Variants in LTBP1 observed in about 807,000 individuals in gnomAD.
The protein encoded by LTBP1 is latent transforming growth factor beta binding protein 1, also known as latent-transforming growth factor beta-binding protein 1.
A neutral mutation model predicts 207.6 loss-of-function variants in LTBP1; 129 were observed. That is an observed-to-expected ratio of 0.62 (90% CI 0.54 to 0.72). LTBP1 has a LOEUF of 0.72. Among genes scored for constraint, LTBP1 ranks in the 30% least tolerant of loss-of-function variants. The pLI, the probability that LTBP1 is intolerant of heterozygous loss-of-function variation, is 0.00. For synonymous variants in LTBP1, 963 were observed against 833.7 expected, an observed-to-expected ratio of 1.16 and a Z score of -2.67; for missense variants, 2,281 against 2,217.2, an observed-to-expected ratio of 1.03 and a Z score of -0.58.
rs775822501 is a variant in LTBP1 at position 33,388,530 on chromosome 2, G to A, written c.4712-654G>A. 6.3e-4 allele frequency among the ~76,000 whole-genome samples: 96 copies of A among 152,182 alleles called. 2 individuals carry two copies. Among genetic ancestry groups the A allele is most frequent in the Non-Finnish European group, 1.0e-3 (68 of 68,042 alleles). On this transcript the variant is annotated intron_variant, in intron 31 of 33. Transcript: ENST00000404816. ...GGTGTGCGTCTTTTAGTGCATCGAT[G>A]TGTATTAAGTGCTTAGAACAGTATC...
At chr2:33,392,714 G>A (rs1308151274) in intron 32 of LTBP1, among the ~76,000 whole-genome samples, 1 of 152,120 alleles carries the variant, frequency 6.6e-6, no homozygotes, top group Non-Finnish European at 1.5e-5. Context: ...TGTGTGGGGA[G>A]TTTCAAGTTT....
chr2:33,238,423 T>C (rs1212646484), intron 9 of LTBP1, among the ~76,000 whole-genome samples: 1 of 152,244 alleles, frequency 6.6e-6, no homozygotes, highest in Non-Finnish European at 1.5e-5. Context: ...AGGGCACTTG[T>C]GCTGTTCGTA....
intron 3 of LTBP1, among the ~76,000 whole-genome samples, chr2:33,110,007 T>C (rs1265450567): frequency 6.6e-6 from 1 of 152,264 alleles, no homozygotes; most frequent in Non-Finnish European, 1.5e-5. Context: ...ATTCCCTTCC[T>C]GTACTTTCTT....
intron 2 of LTBP1, among the ~76,000 whole-genome samples, chr2:33,003,070 G>C (rs1686274015): frequency 6.6e-6 from 1 of 152,214 alleles, no homozygotes; most frequent in African/African-American, 2.4e-5. Context: ...CAGGCTTCCT[G>C]AGTTCCAGAC....
intron 10 of LTBP1, among the ~76,000 whole-genome samples, chr2:33,244,963 C>G (rs977955522): frequency 2.6e-5 from 4 of 152,210 alleles, no homozygotes; most frequent in African/African-American, 9.6e-5. Flanking sequence ...ATTGCAACCT[C>G]TGCCTCCCGG....
At chr2:33,249,323 TCACACACA>T (rs61249844) in intron 10 of LTBP1, among the ~76,000 whole-genome samples, 3,887 of 141,390 alleles carry the variant, frequency 0.027, 97 homozygotes, top group African/African-American at 0.069. Context: ...GTCTGATTTT[TCACACACA>T]CACACACACA....
At chr2:32,956,663 A>C (rs1678119410) in intron 2 of LTBP1, among the ~76,000 whole-genome samples, 1 of 152,170 alleles carries the variant, frequency 6.6e-6, no homozygotes, top group African/African-American at 2.4e-5. Context: ...TGGATACTTT[A>C]ATCTCCTCCC....
intron 5 of LTBP1, among the ~76,000 whole-genome samples, chr2:33,176,898 A>G (rs1398445832): frequency 2.6e-5 from 4 of 152,080 alleles, no homozygotes; most frequent in African/African-American, 4.8e-5. Context: ...ATAATTACGA[A>G]GTTGATGAGG....
At chr2:33,188,476 A>T in intron 6 of LTBP1, 101 bp from the exon 7 acceptor site, 1 of 884,406 alleles carries the variant, frequency 1.1e-6, no homozygotes, top group Non-Finnish European at 1.7e-6. Flanking sequence ...AAAATGCTAC[A>T]CATGCATGCA....
chr2:33,368,179 C>A (rs2095019640), intron 31 of LTBP1, among the ~76,000 whole-genome samples: 1 of 151,932 alleles, frequency 6.6e-6, no homozygotes, highest in Middle Eastern at 3.2e-3. Flanking sequence ...TGCACTCCAG[C>A]CTGGGCGACA....
At chr2:33,268,165 C>T (rs189833017) in intron 15 of LTBP1, among the ~76,000 whole-genome samples, 1 of 152,322 alleles carries the variant, frequency 6.6e-6, no homozygotes, top group East Asian at 1.9e-4. Context: ...TGCATTAGCA[C>T]AAGAAGACTG....
chr2:33,366,924 A>AT (rs1197439656), intron 31 of LTBP1, among the ~76,000 whole-genome samples: 1 of 152,026 alleles, frequency 6.6e-6, no homozygotes, highest in African/African-American at 2.4e-5. Context: ...ATATTGTCTA[A>AT]TTTTTTTCCA....
In LTBP1 at chr2:33,134,637, C is replaced by T; in HGVS notation, c.1034-156C>T. On this transcript the variant is annotated intron_variant, in intron 4 of 33. Transcript: ENST00000404816. The surrounding 1 kb of genome is among the most constrained non-coding windows in gnomAD (Gnocchi z 4.4). ...ACAGAGCAGCGAGCACTGAAGGCTT[C>T]CCTCTTTCCTTAAACCTGTCGGGTT... 6.5e-7 allele frequency: 1 copy of T among 1,541,218 alleles called. No homozygotes were observed. Among genetic ancestry groups the T allele is most frequent in the Non-Finnish European group, 8.7e-7 (1 of 1,144,096 alleles).
chr2:33,337,937 T>C (rs1310566508), intron 24 of LTBP1, among the ~76,000 whole-genome samples: 2 of 152,244 alleles, frequency 1.3e-5, no homozygotes. Flanking sequence ...TTTGTAGCAG[T>C]TCTTTTCATT....
At chr2:33,159,630 C>T (rs1327391415) in intron 5 of LTBP1, among the ~76,000 whole-genome samples, 2 of 152,116 alleles carry the variant, frequency 1.3e-5, no homozygotes, top group African/African-American at 2.4e-5. Flanking sequence ...ATGGGTGGTC[C>T]CATTTAGGCT....
intron 2 of LTBP1, among the ~76,000 whole-genome samples, chr2:33,001,388 C>T (rs146551691): frequency 1.5e-5 from 2 of 134,974 alleles, no homozygotes; most frequent in African/African-American, 5.2e-5. Context: ...TGAGGTGGGA[C>T]GTGAGAACTT....
At position 33,386,447 on chromosome 2, in the gene LTBP1, C is replaced by T. The variant is rs557443789; in HGVS notation, c.4712-2737C>T. On this transcript the variant is annotated intron_variant, in intron 31 of 33. Transcript: ENST00000404816. ...CCCTGATCATGGCATTCGACATCCC[C>T]GGACCTCAAGTCTCAGCAAGGCTTC... Among the ~76,000 whole-genome samples, 17 of 152,290 alleles carry T rather than the reference C, an allele frequency of 1.1e-4. No individual in the cohort carries two copies. In the South Asian group the frequency reaches 1.9e-3, roughly 17 times the overall value.
chr2:32,962,278 A>G (rs1679246703), intron 2 of LTBP1, among the ~76,000 whole-genome samples: 1 of 152,202 alleles, frequency 6.6e-6, no homozygotes, highest in African/African-American at 2.4e-5. Flanking sequence ...ATTCTCCTAA[A>G]AGTAGGGTTC....
chr2:33,014,243 G>A (rs1025874272), intron 2 of LTBP1, among the ~76,000 whole-genome samples: 13 of 152,126 alleles, frequency 8.5e-5, no homozygotes, highest in African/African-American at 2.9e-4. Flanking sequence ...GATAGAAAAG[G>A]CATTGGGATG....
Sources: allele counts gnomAD v4.1 joint callset (sites outside exome capture counted in the v4.1 genomes callset), GRCh38; gene constraint gnomAD v4.1.1; non-coding constraint Gnocchi (gnomAD v3.1); transcripts MANE v1.5; gene names NCBI Gene and HGNC (gene_info 2026-07-23, HGNC 2026-07-21).